Variants in ADAMTS16 observed in about 807,000 individuals in gnomAD.
The protein encoded by ADAMTS16 is ADAM metallopeptidase with thrombospondin type 1 motif 16.
A neutral mutation model predicts 145.8 loss-of-function variants in ADAMTS16; 94 were observed. The ratio of observed to expected loss-of-function variants is 0.64; its 90% CI spans 0.55 to 0.77. The LOEUF (loss-of-function observed/expected upper bound fraction) is 0.77, where lower values mean the gene tolerates loss of function less well. Ranked by LOEUF, ADAMTS16 falls within the 30% of genes least tolerant of loss-of-function variation. The probability of loss-of-function intolerance (pLI) is 0.00; values close to 1 mark genes in which losing one functional copy is unlikely to be tolerated. For missense variants in ADAMTS16, 1,585 were observed against 1,591.5 expected (o/e 1.00, Z 0.07); for synonymous variants, 659 against 604.3 (o/e 1.09, Z -1.33).
Position 5,280,562 on chromosome 5 carries a change from G to A in ADAMTS16, c.2789+17779G>A, listed in dbSNP as rs934791750. 7.2e-5 allele frequency among the ~76,000 whole-genome samples: 11 copies of A among 152,288 alleles called. No individual in the cohort carries two copies. The East Asian group carries it at 7.7e-4, about 11-fold the overall frequency. On this transcript the variant is annotated intron_variant, in intron 18 of 22. Transcript: ENST00000274181. The stretch of plus-strand genomic sequence containing the variant: ...ATTTCCCGTTTAAACACCTCTGGCT[G>A]AGGTTGGTATCCCCAAGTCAGTCTC...
Position 5,262,661 on chromosome 5 carries a change from G to T in ADAMTS16, c.2667G>T (p.Gln889His). The change falls in exon 18 of 23, where the codon CAG (glutamine) becomes CAT (histidine). Residue 889 changes from glutamine (Q) to histidine (H), a missense_variant. Around this residue, in one of 3 missense-constraint regions of ADAMTS16, gnomAD observed 834 missense variants for 811.7 expected, o/e 1.03. Coordinates refer to ENST00000274181, the MANE Select transcript of ADAMTS16 (RefSeq NM_139056.4). ...ACATTTCATCCTTGCCTGCAGGACA[G>T]ATGACCGTGAGAGAGGGCTGCTACA... ...SECSVSCGGG[Q>H]MTVREGCYRD... The T allele has an allele frequency of 6.2e-7, 1 of 1,613,924 alleles. No individual in the cohort carries two copies. Among genetic ancestry groups the T allele is most frequent in the Non-Finnish European group, 8.5e-7 (1 of 1,179,914 alleles).
At chr5:5,179,222 T>C (rs563595997) in intron 3 of ADAMTS16, among the ~76,000 whole-genome samples, 91 of 150,992 alleles carry the variant, frequency 6.0e-4, no homozygotes, top group Admixed American at 1.1e-3. Context: ...GAGAATGGGA[T>C]GATAAATTCT....
intron 3 of ADAMTS16, among the ~76,000 whole-genome samples, chr5:5,170,496 AG>A (rs1735015549): frequency 6.6e-6 from 1 of 151,994 alleles, no homozygotes; most frequent in African/African-American, 2.4e-5. Flanking sequence ...CTCCTGCCTC[AG>A]CCCCCCGAGT....
chr5:5,229,395 G>A (rs1156656881), intron 11 of ADAMTS16, among the ~76,000 whole-genome samples: 1 of 151,500 alleles, frequency 6.6e-6, no homozygotes, highest in African/African-American at 2.4e-5. Flanking sequence ...ATGGAAACCA[G>A]ACACTGCAGT....
chr5:5,223,831 C>G (rs939089006), intron 11 of ADAMTS16: 2 of 151,258 alleles, frequency 1.3e-5, no homozygotes, highest in African/African-American at 4.9e-5. Flanking sequence ...CCCACATTAT[C>G]ACTATAACTA....
intron 22 of ADAMTS16, 36 bp downstream of exon 22, chr5:5,318,317 TG>T (rs764187777): frequency 2.2e-6 from 3 of 1,384,062 alleles, no homozygotes; most frequent in South Asian, 2.0e-5. Context: ...GACCTGGGCA[TG>T]GGGCTGGAAT....
chr5:5,200,034 G>T, intron 8 of ADAMTS16, 98 bp from the exon 9 acceptor site: 1 of 1,375,306 alleles, frequency 7.3e-7, no homozygotes, highest in Non-Finnish European at 9.7e-7. Flanking sequence ...AGGGGTGAGG[G>T]AGTCTCACAG....
At chr5:5,156,818 A>G (rs1351791181) in intron 3 of ADAMTS16, among the ~76,000 whole-genome samples, 1 of 152,212 alleles carries the variant, frequency 6.6e-6, no homozygotes, top group Non-Finnish European at 1.5e-5. Flanking sequence ...TATATCTTCT[A>G]GAGGCCTGAG....
At chr5:5,151,303 A>G (rs913120046) in intron 3 of ADAMTS16, among the ~76,000 whole-genome samples, 10 of 151,594 alleles carry the variant, frequency 6.6e-5, no homozygotes, top group Non-Finnish European at 1.5e-4. Flanking sequence ...CAATTGCACA[A>G]TCTCAGCTCA....
At chr5:5,145,525 C>G (rs1734270418) in intron 2 of ADAMTS16, among the ~76,000 whole-genome samples, 1 of 152,208 alleles carries the variant, frequency 6.6e-6, no homozygotes, top group African/African-American at 2.4e-5. Context: ...CTTCTCCAGA[C>G]AGCGGGTTGT....
intron 9 of ADAMTS16, 105 bp downstream of exon 9, chr5:5,200,374 T>C: frequency 6.9e-7 from 1 of 1,455,046 alleles, no homozygotes; most frequent in Non-Finnish European, 9.3e-7. Flanking sequence ...CTTCCTGATG[T>C]GGTTCCCTTT....
intron 3 of ADAMTS16, among the ~76,000 whole-genome samples, chr5:5,146,718 A>G (rs1302080570): frequency 6.6e-6 from 1 of 152,202 alleles, no homozygotes; most frequent in East Asian, 1.9e-4. Flanking sequence ...AAACTTGTGT[A>G]TAAGAACCGC....
At chr5:5,171,889 T>A (rs142530856) in intron 3 of ADAMTS16, among the ~76,000 whole-genome samples, 78 of 152,266 alleles carry the variant, frequency 5.1e-4, no homozygotes, top group Middle Eastern at 3.4e-3. Context: ...AGTAAAGCCA[T>A]CAGATCCTGG....
chr5:5,188,854 G>T (rs1002191819), intron 6 of ADAMTS16, among the ~76,000 whole-genome samples: 6 of 151,974 alleles, frequency 3.9e-5, no homozygotes, highest in African/African-American at 1.5e-4. Context: ...GAACATGCCG[G>T]GCTTCTCAGG....
chr5:5,194,252 CCTG>C (rs1735739554), intron 8 of ADAMTS16, among the ~76,000 whole-genome samples: 1 of 152,126 alleles, frequency 6.6e-6, no homozygotes, highest in Non-Finnish European at 1.5e-5. Context: ...CAACGAAAAA[CCTG>C]CTGACCATGT....
In ADAMTS16 at chr5:5,237,432, C is replaced by T. The variant is rs149342250; in HGVS notation, c.2154+333C>T. ...GGATGTCAGGAAAATAGAGAGGGGA[C>T]GTGGTGGTGCCAGATGCATGGGTTG... is the stretch of plus-strand genomic sequence containing the variant. On this transcript the variant is annotated intron_variant, in intron 14 of 22. Coordinates refer to ENST00000274181, the MANE Select transcript of ADAMTS16 (RefSeq NM_139056.4). Among the ~76,000 whole-genome samples, 1,103 of 152,076 alleles carry T rather than the reference C, an allele frequency of 7.3e-3. 19 individuals are homozygous for T. The highest frequency in any genetic ancestry group is 0.025 in the African/African-American group (1,043 of 41,456).
chr5:5,148,629 T>A (rs562376421), intron 3 of ADAMTS16, among the ~76,000 whole-genome samples: 2 of 152,322 alleles, frequency 1.3e-5, no homozygotes, highest in East Asian at 1.9e-4. Flanking sequence ...AGGAATAGTG[T>A]GAAAGTGAAT....
chr5:5,265,620 T>C (rs2126439313), intron 18 of ADAMTS16, among the ~76,000 whole-genome samples: 1 of 152,320 alleles, frequency 6.6e-6, no homozygotes, highest in East Asian at 1.9e-4. Context: ...AGAAACCATG[T>C]TGGTGTTTGT....
chr5:5,296,150 TGGG>T (rs1739520740), intron 18 of ADAMTS16, among the ~76,000 whole-genome samples: 2 of 152,228 alleles, frequency 1.3e-5, no homozygotes, highest in Non-Finnish European at 2.9e-5. Context: ...CCTTTGGTTC[TGGG>T]TGGGTCCCTC....
Sources: gnomAD v4.1 joint callset for allele counts (sites outside exome capture counted in the v4.1 genomes callset) on GRCh38, gnomAD v4.1.1 for gene constraint, gnomAD v4.1.1 regional missense constraint, MANE v1.5 for transcripts, NCBI Gene and HGNC (gene_info 2026-07-23, HGNC 2026-07-21) for gene names.